THSD7B: variants seen among roughly 807,000 people sequenced by gnomAD.
The protein encoded by THSD7B is thrombospondin type-1 domain-containing protein 7B.
THSD7B carries 138 observed loss-of-function variants against 213.6 expected under a neutral mutation model. That is an observed-to-expected ratio of 0.65 (90% CI 0.56 to 0.74). The LOEUF (loss-of-function observed/expected upper bound fraction) is 0.74, where lower values mean the gene tolerates loss of function less well. Among genes scored for constraint, THSD7B ranks in the 30% least tolerant of loss-of-function variants. THSD7B has a pLI of 0.00. For synonymous variants in THSD7B, 742 were observed against 687.0 expected (o/e 1.08, Z -1.25); for missense variants, 1,931 against 1,991.5 (o/e 0.97, Z 0.58).
intron 10 of THSD7B, among the ~76,000 whole-genome samples, chr2:137,246,370 G>A (rs1573909708): frequency 1.3e-5 from 2 of 152,048 alleles, no homozygotes; most frequent in South Asian, 4.1e-4. Context: ...GATTTAATAG[G>A]TTTGTGATAA....
At chr2:137,063,044 A>G (rs1687307843) in intron 3 of THSD7B, among the ~76,000 whole-genome samples, 1 of 151,900 alleles carries the variant, frequency 6.6e-6, no homozygotes, top group Non-Finnish European at 1.5e-5. Context: ...CTTTATTATT[A>G]TGTAATGCCC....
At chr2:137,383,410 G>C (rs112072720) in intron 12 of THSD7B, among the ~76,000 whole-genome samples, 90 of 152,268 alleles carry the variant, frequency 5.9e-4, no homozygotes, top group African/African-American at 2.0e-3. Flanking sequence ...CCTCAGCCTA[G>C]GGGGTGGAAT....
intron 4 of THSD7B, among the ~76,000 whole-genome samples, chr2:137,113,673 G>A (rs1276127184): frequency 6.6e-6 from 1 of 152,034 alleles, no homozygotes; most frequent in Non-Finnish European, 1.5e-5. Context: ...CTGACCTCAG[G>A]TGATCCGCCC....
Position 137,076,116 on chromosome 2 carries a change from C to T in THSD7B, c.951-18757C>T, listed in dbSNP as rs369883218. Among the ~76,000 whole-genome samples the T allele has an allele frequency of 9.3e-4, 142 of 152,280 alleles. 3 individuals carry two copies. The East Asian group carries it at 0.019, about 20-fold the overall frequency. ...GAACCACTGCTCTCTTCAAAGCTGT[C>T]AGAGAGGGACATTTAAGTCTGCAGA... is the stretch of plus-strand genomic sequence containing the variant. On this transcript the variant is annotated intron_variant, in intron 3 of 27. Transcript: ENST00000409968.
Position 137,360,563 on chromosome 2 carries a change from T to A in THSD7B, c.2501-45050T>A, listed in dbSNP as rs191167567. On this transcript the variant is annotated intron_variant, in intron 12 of 27. Coordinates refer to ENST00000409968, the MANE Select transcript of THSD7B (RefSeq NM_001316349.2). ...GCAAACAGCACACCAGGAGATTATA[T>A]CCCTTGCCTGGCTCAGTGGGTGCCA... Among the ~76,000 whole-genome samples, 548 of 152,184 alleles carry A rather than the reference T, an allele frequency of 3.6e-3. 3 individuals carry two copies. The highest frequency in any genetic ancestry group is 0.012 in the African/African-American group (514 of 41,526).
Position 137,642,500 on chromosome 2 carries a change from G to A in THSD7B, c.3812G>A (p.Arg1271Gln), listed in dbSNP as rs747898935. Residue 1271 changes from arginine (R) to glutamine (Q), a missense_variant, in exon 21 of 28, where the codon CGG (arginine) becomes CAG (glutamine). By Grantham distance (43) the Arg-to-Gln change is conservative. Transcript: ENST00000409968. ...CTTATCATTTTAGGTCGAATGAGCC[G>A]GACTCGATTTATCATTATGCCAACC... ...QTCGHGGRMSRTRFIIMPTQG... is the reference protein window; with the variant it reads ...QTCGHGGRMSQTRFIIMPTQG... 15 of 1,613,538 alleles carry A rather than the reference G, an allele frequency of 9.3e-6. No individual in the cohort carries two copies. The highest frequency in any genetic ancestry group is 2.2e-5 in the East Asian group (1 of 44,860).
chr2:137,107,544 C>T (rs1688278961), intron 4 of THSD7B, among the ~76,000 whole-genome samples: 1 of 152,082 alleles, frequency 6.6e-6, no homozygotes, highest in Non-Finnish European at 1.5e-5. Flanking sequence ...CCACTAATAA[C>T]AAAAGTAGAG....
intron 2 of THSD7B, among the ~76,000 whole-genome samples, chr2:136,928,863 T>C (rs1434377762): frequency 6.6e-6 from 1 of 152,138 alleles, no homozygotes; most frequent in Non-Finnish European, 1.5e-5. Context: ...TAAAAGCTAT[T>C]GAAAAATCAC....
At chr2:137,485,354 G>A (rs1688410385) in intron 15 of THSD7B, among the ~76,000 whole-genome samples, 1 of 151,592 alleles carries the variant, frequency 6.6e-6, no homozygotes, top group Admixed American at 6.6e-5. Flanking sequence ...TTATTTCTGA[G>A]GGCTGTGTTC....
At chr2:137,636,745 T>C (rs891243649) in intron 20 of THSD7B, among the ~76,000 whole-genome samples, 2 of 152,254 alleles carry the variant, frequency 1.3e-5, no homozygotes, top group African/African-American at 4.8e-5. Flanking sequence ...TACTTGTATG[T>C]AGTCATATCA....
chr2:136,823,567 T>A (rs1164405851), intron 1 of THSD7B, among the ~76,000 whole-genome samples: 1 of 152,162 alleles, frequency 6.6e-6, no homozygotes, highest in African/African-American at 2.4e-5. Context: ...TCTATCTCCA[T>A]ACATTTACTT....
At chr2:137,331,068 G>A (rs1684494192) in intron 12 of THSD7B, among the ~76,000 whole-genome samples, 1 of 151,682 alleles carries the variant, frequency 6.6e-6, no homozygotes, top group Non-Finnish European at 1.5e-5. Context: ...CTAGATGCAG[G>A]GTGCTGATTG....
intron 2 of THSD7B, among the ~76,000 whole-genome samples, chr2:136,950,311 A>T (rs1685014483): frequency 6.6e-6 from 1 of 152,292 alleles, no homozygotes; most frequent in East Asian, 1.9e-4. Flanking sequence ...ACCTTCAGTG[A>T]CTGTGTAATG....
intron 15 of THSD7B, among the ~76,000 whole-genome samples, chr2:137,461,607 C>G (rs144231788): frequency 7.3e-4 from 111 of 152,218 alleles, no homozygotes; most frequent in African/African-American, 2.5e-3. Flanking sequence ...CCTCTTCAAT[C>G]TATTCTTCGT....
At chr2:137,538,307 T>C (rs1680543609) in intron 15 of THSD7B, among the ~76,000 whole-genome samples, 1 of 151,676 alleles carries the variant, frequency 6.6e-6, no homozygotes, top group South Asian at 2.1e-4. Flanking sequence ...GGAAGTATTT[T>C]GCTCGAGACT....
chr2:137,074,845 A>G (rs1452910564), intron 3 of THSD7B, among the ~76,000 whole-genome samples: 1 of 152,090 alleles, frequency 6.6e-6, no homozygotes, highest in Non-Finnish European at 1.5e-5. Flanking sequence ...TCAGTTATGA[A>G]GCTTGGTTTG....
At chr2:137,407,686 C>T (rs1264198174) in intron 13 of THSD7B, among the ~76,000 whole-genome samples, 1 of 152,092 alleles carries the variant, frequency 6.6e-6, no homozygotes, top group Non-Finnish European at 1.5e-5. Flanking sequence ...TGCAAACACA[C>T]ACACTGAAAC....
intron 4 of THSD7B, among the ~76,000 whole-genome samples, chr2:137,099,625 C>A (rs1003923616): frequency 2.0e-5 from 3 of 152,146 alleles, no homozygotes; most frequent in African/African-American, 7.2e-5. Context: ...TCCTACGACC[C>A]CACTGGGAGA....
chr2:137,649,198 A>G (rs890135074), intron 21 of THSD7B, among the ~76,000 whole-genome samples: 2 of 152,132 alleles, frequency 1.3e-5, no homozygotes, highest in Admixed American at 1.3e-4. Context: ...GGTAGTTTGC[A>G]AACATTTTCT....
Sources: gnomAD v4.1 joint callset for allele counts (sites outside exome capture counted in the v4.1 genomes callset) on GRCh38, gnomAD v4.1.1 for gene constraint, MANE v1.5 for transcripts, NCBI Gene and HGNC (gene_info 2026-07-23, HGNC 2026-07-21) for gene names.